The following MICU1 variants were observed in gnomAD, a reference collection of about 807,000 sequenced individuals.
MICU1 encodes mitochondrial calcium uptake 1, also known as calcium uptake protein 1, mitochondrial.
A neutral mutation model predicts 56.8 loss-of-function variants in MICU1; 45 were observed. That is an observed-to-expected ratio of 0.79 (90% confidence interval 0.62 to 1.02). The LOEUF is 1.02. Ranked by LOEUF, MICU1 falls within the 50% of genes least tolerant of loss-of-function variation. The pLI, the probability that MICU1 is intolerant of heterozygous loss-of-function variation, is 0.00. For synonymous variants in MICU1, 186 were observed against 195.1 expected, an observed-to-expected ratio of 0.95 and a Z score of 0.39; for missense variants, 504 against 587.1, an observed-to-expected ratio of 0.86 and a Z score of 1.46.
chr10:72,375,274 A>C (rs1326088600), intron 11 of MICU1, among the ~76,000 whole-genome samples: 1 of 152,214 alleles, frequency 6.6e-6, no homozygotes, highest in Non-Finnish European at 1.5e-5. Context: ...CATACCTAAA[A>C]AATAATGCCA....
At chr10:72,606,618 G>T (rs1841699581) in intron 1 of MICU1, among the ~76,000 whole-genome samples, 1 of 151,182 alleles carries the variant, frequency 6.6e-6, no homozygotes, top group Non-Finnish European at 1.5e-5. Flanking sequence ...TATATATGTT[G>T]GTCTTCATCC....
intron 9 of MICU1, among the ~76,000 whole-genome samples, chr10:72,420,409 C>T (rs1487630511): frequency 6.6e-6 from 1 of 152,152 alleles, no homozygotes. Context: ...GATTGTGAGG[C>T]CTCCTCAGCC....
chr10:72,620,382 C>T (rs562148632), intron 1 of MICU1, among the ~76,000 whole-genome samples: 1 of 152,202 alleles, frequency 6.6e-6, no homozygotes, highest in South Asian at 2.1e-4. Context: ...GACAGGGTTT[C>T]ACCACGTTGC....
chr10:72,559,805 G>A (rs1259716422), intron 3 of MICU1, among the ~76,000 whole-genome samples: 1 of 152,234 alleles, frequency 6.6e-6, no homozygotes, highest in African/African-American at 2.4e-5. Context: ...TTAGGAACCA[G>A]GCTGCATAGC....
At chr10:72,507,989 A>G (rs1273230659) in intron 6 of MICU1, among the ~76,000 whole-genome samples, 166 bp downstream of exon 6, 1 of 152,184 alleles carries the variant, frequency 6.6e-6, no homozygotes, top group African/African-American at 2.4e-5. Context: ...AGGTGGTTCT[A>G]TACCCAAGTT....
chr10:72,483,342 C>A, intron 6 of MICU1: 1 of 163,200 alleles, frequency 6.1e-6, no homozygotes. Context: ...GCTTGGCTGG[C>A]TCCTGGTTGT....
chr10:72,455,634 T>C (rs1239895108), intron 8 of MICU1, among the ~76,000 whole-genome samples: 1 of 152,168 alleles, frequency 6.6e-6, no homozygotes, highest in African/African-American at 2.4e-5. Flanking sequence ...GGATACTAAA[T>C]TTCCAAGTGA....
chr10:72,550,041 G>C (rs1262630506), intron 4 of MICU1, among the ~76,000 whole-genome samples: 1 of 151,698 alleles, frequency 6.6e-6, no homozygotes, highest in Non-Finnish European at 1.5e-5. Flanking sequence ...ATACAGTGGC[G>C]GTCCCATAAG....
intron 6 of MICU1, among the ~76,000 whole-genome samples, chr10:72,490,010 T>C (rs1385630243): frequency 6.6e-6 from 1 of 152,250 alleles, no homozygotes; most frequent in Non-Finnish European, 1.5e-5. Context: ...AGAATGTTGG[T>C]ATTTTTTAGT....
intron 5 of MICU1, among the ~76,000 whole-genome samples, chr10:72,512,100 GTTTT>G (rs1199987987): frequency 5.1e-4 from 42 of 82,340 alleles, no homozygotes; most frequent in African/African-American, 1.6e-3. Flanking sequence ...ATACACAGTT[GTTTT>G]TTGTTTTTTT....
intron 10 of MICU1, among the ~76,000 whole-genome samples, chr10:72,397,010 A>G (rs1713749605): frequency 6.6e-6 from 1 of 152,208 alleles, no homozygotes; most frequent in Non-Finnish European, 1.5e-5. Flanking sequence ...AATGAAGGAA[A>G]AAGTGTTAAG....
chr10:72,556,378 T>C (rs1473774522), intron 3 of MICU1, among the ~76,000 whole-genome samples: 1 of 152,204 alleles, frequency 6.6e-6, no homozygotes, highest in African/African-American at 2.4e-5. Context: ...TTCACTCTTG[T>C]TGCCCAGGCT....
chr10:72,504,425 T>C (rs117176692), intron 6 of MICU1, among the ~76,000 whole-genome samples: 1,831 of 152,282 alleles, frequency 0.012, 79 homozygotes, highest in East Asian at 0.12. Flanking sequence ...GCTAGCCATA[T>C]GCAGAAGAAT....
intron 2 of MICU1, 112 bp from the exon 3 acceptor site, chr10:72,563,175 C>T: frequency 1.3e-6 from 1 of 778,130 alleles, no homozygotes; most frequent in Non-Finnish European, 1.8e-6. Context: ...GTCAAATATT[C>T]TACATGAAGA....
chr10:72,389,630 T>C (rs1455337754), intron 10 of MICU1, among the ~76,000 whole-genome samples: 1 of 152,212 alleles, frequency 6.6e-6, no homozygotes, highest in Non-Finnish European at 1.5e-5. Context: ...ATTTGTGTGA[T>C]TATTTTCTGA....
chr10:72,403,629 T>TTGTGTG (rs60373032), intron 10 of MICU1, among the ~76,000 whole-genome samples: 5,082 of 139,816 alleles, frequency 0.036, 129 homozygotes, highest in South Asian at 0.075. Context: ...CATACCAAAA[T>TTGTGTG]TGTGTGTGTG....
intron 8 of MICU1, among the ~76,000 whole-genome samples, chr10:72,435,698 T>C (rs931713891): frequency 7.9e-5 from 12 of 152,218 alleles, no homozygotes; most frequent in African/African-American, 2.9e-4. Flanking sequence ...ATACTGTGCT[T>C]TTCCCAAGGT....
intron 1 of MICU1, among the ~76,000 whole-genome samples, chr10:72,568,668 A>G (rs1459516668): frequency 6.6e-6 from 1 of 152,060 alleles, no homozygotes. Flanking sequence ...TGTAAGCTGC[A>G]AAGATTTGGG....
intron 9 of MICU1, among the ~76,000 whole-genome samples, chr10:72,421,506 C>T (rs1231275910): frequency 6.6e-6 from 1 of 152,156 alleles, no homozygotes; most frequent in Non-Finnish European, 1.5e-5. Flanking sequence ...AACTCCTGAC[C>T]TCAGGTGATC....
Sources: allele counts gnomAD v4.1 joint callset (sites outside exome capture counted in the v4.1 genomes callset), GRCh38; gene constraint gnomAD v4.1.1; transcripts MANE v1.5; gene names NCBI Gene and HGNC (gene_info 2026-07-23, HGNC 2026-07-21).